Variants in MACROD2 observed in about 807,000 individuals in gnomAD.
MACROD2 encodes ADP-ribose glycohydrolase MACROD2.
In MACROD2, 36 loss-of-function variants were observed where a neutral mutation model predicts 70.4. That is an observed-to-expected ratio of 0.51 (90% confidence interval 0.39 to 0.68). MACROD2 has a LOEUF of 0.68. Among genes scored for constraint, MACROD2 ranks in the 30% least tolerant of loss-of-function variants. The pLI, the probability that MACROD2 is intolerant of heterozygous loss-of-function variation, is 0.00. For missense variants in MACROD2, 496 were observed against 538.4 expected (o/e 0.92, Z 0.78); for synonymous variants, 172 against 178.8 (o/e 0.96, Z 0.30).
chr20:15,050,145 C>G (rs1303416364), intron 5 of MACROD2, among the ~76,000 whole-genome samples: 1 of 152,030 alleles, frequency 6.6e-6, no homozygotes, highest in African/African-American at 2.4e-5. Flanking sequence ...TGCTCTAAAG[C>G]TCTTAACAAT....
intron 2 of MACROD2, among the ~76,000 whole-genome samples, chr20:14,062,253 C>T (rs1345483628): frequency 6.6e-6 from 1 of 152,078 alleles, no homozygotes; most frequent in East Asian, 1.9e-4. Context: ...CTTTTACTTT[C>T]TTTAGTAAAT....
intron 8 of MACROD2, among the ~76,000 whole-genome samples, chr20:15,520,271 T>A (rs1380615353): frequency 1.3e-5 from 2 of 152,240 alleles, no homozygotes; most frequent in Admixed American, 1.3e-4. Flanking sequence ...TCCACATGGA[T>A]GTCAGGAGAA....
At chr20:15,037,682 T>C (rs113033972) in intron 5 of MACROD2, among the ~76,000 whole-genome samples, 1 of 147,308 alleles carries the variant, frequency 6.8e-6, no homozygotes, top group African/African-American at 2.4e-5. Flanking sequence ...TAACTTTAAC[T>C]CTTTTTTTTT....
chr20:15,301,624 A>G (rs1009078193), intron 6 of MACROD2, among the ~76,000 whole-genome samples: 3 of 85,354 alleles, frequency 3.5e-5, no homozygotes, highest in Admixed American at 2.3e-4. Flanking sequence ...TGTAGAGACA[A>G]GAGTATTGAA....
intron 8 of MACROD2, among the ~76,000 whole-genome samples, chr20:15,707,347 A>T (rs778031603): frequency 1.3e-5 from 2 of 152,204 alleles, no homozygotes; most frequent in African/African-American, 2.4e-5. Flanking sequence ...TTCAGTATTC[A>T]GTTAGTCAAC....
chr20:15,899,314 A>G (rs945443785), intron 10 of MACROD2, among the ~76,000 whole-genome samples: 15 of 152,134 alleles, frequency 9.9e-5, no homozygotes, highest in Non-Finnish European at 1.8e-4. Flanking sequence ...GTACATATAT[A>G]CATATATACA....
intron 8 of MACROD2, among the ~76,000 whole-genome samples, chr20:15,623,146 A>G (rs2049151767): frequency 6.6e-6 from 1 of 152,188 alleles, no homozygotes; most frequent in Admixed American, 6.5e-5. Flanking sequence ...AGTTTTGGGG[A>G]TGTGTGTTCA....
chr20:14,018,456 T>C (rs1304202560), intron 2 of MACROD2, among the ~76,000 whole-genome samples: 2 of 152,198 alleles, frequency 1.3e-5, no homozygotes, highest in Non-Finnish European at 2.9e-5. Context: ...TAAGTTTTGA[T>C]ATGTTGTCTC....
At chr20:15,921,348 C>T (rs564555396) in intron 10 of MACROD2, among the ~76,000 whole-genome samples, 1 of 152,344 alleles carries the variant, frequency 6.6e-6, no homozygotes, top group South Asian at 2.1e-4. Context: ...ACTTCATTTG[C>T]GTGAATATTT....
intron 5 of MACROD2, among the ~76,000 whole-genome samples, chr20:14,809,171 C>G (rs371844804): frequency 6.6e-6 from 1 of 152,114 alleles, no homozygotes; most frequent in South Asian, 2.1e-4. Flanking sequence ...TAAAATCAAC[C>G]GCATAATTGG....
chr20:14,395,692 A>G (rs944891898), intron 3 of MACROD2, among the ~76,000 whole-genome samples: 4 of 152,118 alleles, frequency 2.6e-5, no homozygotes, highest in African/African-American at 9.7e-5. Context: ...ATTACTTGAT[A>G]CATTTCCTCT....
At chr20:15,402,893 A>T (rs893179263) in intron 6 of MACROD2, among the ~76,000 whole-genome samples, 1 of 152,314 alleles carries the variant, frequency 6.6e-6, no homozygotes, top group South Asian at 2.1e-4. Context: ...TGAGAGAAAT[A>T]CAAGAGCAAT....
At chr20:15,490,635 G>A (rs541184782) in intron 7 of MACROD2, among the ~76,000 whole-genome samples, 4 of 152,210 alleles carry the variant, frequency 2.6e-5, no homozygotes, top group South Asian at 2.1e-4. Context: ...TGGGGGCGAC[G>A]AAGTCCACCG....
At chr20:14,817,068 G>C (rs1425323739) in intron 5 of MACROD2, among the ~76,000 whole-genome samples, 1 of 152,026 alleles carries the variant, frequency 6.6e-6, no homozygotes, top group Non-Finnish European at 1.5e-5. Flanking sequence ...AAGACAACTT[G>C]GCTGTTCATA....
intron 8 of MACROD2, among the ~76,000 whole-genome samples, chr20:15,752,239 G>A (rs12479949): frequency 0.11 from 16,886 of 151,814 alleles, 1,073 homozygotes; most frequent in Admixed American, 0.14. Flanking sequence ...TTTCAACCCA[G>A]GGAAAATATA....
At chr20:14,495,452 G>T (rs993636436) in intron 4 of MACROD2, among the ~76,000 whole-genome samples, 1 of 152,122 alleles carries the variant, frequency 6.6e-6, no homozygotes, top group Middle Eastern at 3.2e-3. Context: ...CATTGTCTTT[G>T]AATCTGGACA....
intron 3 of MACROD2, among the ~76,000 whole-genome samples, chr20:14,196,587 A>C (rs2081434822): frequency 6.6e-6 from 1 of 152,294 alleles, no homozygotes; most frequent in Admixed American, 6.5e-5. Context: ...AGCAATAGAA[A>C]CCCAATTCAA....
At chr20:15,605,973 G>A (rs570105673) in intron 8 of MACROD2, among the ~76,000 whole-genome samples, 2 of 152,254 alleles carry the variant, frequency 1.3e-5, no homozygotes, top group South Asian at 2.1e-4. Flanking sequence ...ATAACACAGT[G>A]AACTGATTAC....
At chr20:15,629,062 G>A (rs542010294) in intron 8 of MACROD2, among the ~76,000 whole-genome samples, 10 of 152,142 alleles carry the variant, frequency 6.6e-5, no homozygotes, top group Admixed American at 1.3e-4. Context: ...GAATAGGGCT[G>A]GTATGAATAC....
Sources: allele counts gnomAD v4.1 joint callset (sites outside exome capture counted in the v4.1 genomes callset), GRCh38; gene constraint gnomAD v4.1.1; transcripts MANE v1.5; gene names NCBI Gene and HGNC (gene_info 2026-07-23, HGNC 2026-07-21).